The following ATP6V1C2 variants were observed in gnomAD, a reference collection of about 807,000 sequenced individuals.
The protein encoded by ATP6V1C2 is ATPase H+ transporting V1 subunit C2.
ATP6V1C2 carries 45 observed loss-of-function variants against 56.8 expected under a neutral mutation model. The ratio of observed to expected loss-of-function variants is 0.79; its 90% confidence interval spans 0.62 to 1.02. The LOEUF is 1.02. Ranked by LOEUF, ATP6V1C2 falls within the 50% of genes least tolerant of loss-of-function variation. The pLI is 0.00. For synonymous variants in ATP6V1C2, 220 were observed against 201.3 expected (o/e 1.09, Z -0.79); for missense variants, 463 against 519.7 (o/e 0.89, Z 1.06).
chr2:10,721,121 C>T (rs1176535976), upstream of ATP6V1C2, among the ~76,000 whole-genome samples: 1 of 152,178 alleles, frequency 6.6e-6, no homozygotes, highest in Non-Finnish European at 1.5e-5. Flanking sequence ...AAAAGCTTCG[C>T]TGTCTACGCA....
At chr2:10,782,909 A>G (rs1665473267) in intron 13 of ATP6V1C2, among the ~76,000 whole-genome samples, 1 of 145,056 alleles carries the variant, frequency 6.9e-6, no homozygotes, top group Admixed American at 7.1e-5. Context: ...GCTACTTGGG[A>G]GTCTGAGGCA....
chr2:10,753,854 C>T, intron 3 of ATP6V1C2, 127 bp from the exon 4 acceptor site: 5 of 813,624 alleles, frequency 6.1e-6, no homozygotes, highest in Non-Finnish European at 1.0e-5. Context: ...TTTTAACCCT[C>T]TTCATACATC....
intron 3 of ATP6V1C2, 74 bp downstream of exon 3, chr2:10,726,643 T>C: frequency 7.2e-7 from 1 of 1,384,962 alleles, no homozygotes; most frequent in East Asian, 2.3e-5. Flanking sequence ...GTTCTTGCTT[T>C]GGCTGAACCG....
At chr2:10,758,669 T>C (rs573490478) in intron 4 of ATP6V1C2, among the ~76,000 whole-genome samples, 3 of 152,084 alleles carry the variant, frequency 2.0e-5, no homozygotes, top group Non-Finnish European at 4.4e-5. Flanking sequence ...TTTTTTTTTT[T>C]CTTTTTCTTT....
rs188209320 is a variant in ATP6V1C2 at position 10,758,519 on chromosome 2, G to C, written c.283+4453G>C. Among the ~76,000 whole-genome samples the C allele has an allele frequency of 5.9e-4, 90 of 152,226 alleles. 1 individual carries two copies. The East Asian group carries it at 7.7e-3, about 13-fold the overall frequency. On this transcript the variant is annotated intron_variant, in intron 4 of 13. Transcript: ENST00000272238. ...GAGGATTGCCTGGGGCCGGGAGTTC[G>C]AGGCTATAGTGCCCTGTGGTTGTGC...
At chr2:10,774,228 G>A (rs868300563) in intron 8 of ATP6V1C2, among the ~76,000 whole-genome samples, 3 of 152,340 alleles carry the variant, frequency 2.0e-5, no homozygotes, top group East Asian at 1.9e-4. Flanking sequence ...CTGTGAGATC[G>A]TGTCTGGGCC....
intron 4 of ATP6V1C2, among the ~76,000 whole-genome samples, chr2:10,760,586 T>C (rs965653619): frequency 6.6e-6 from 1 of 152,184 alleles, no homozygotes; most frequent in South Asian, 2.1e-4. Context: ...CAGGGAGACA[T>C]AATCTCAGAC....
At chr2:10,769,409 AAG>A (rs1664444272) in intron 6 of ATP6V1C2, among the ~76,000 whole-genome samples, 1 of 152,146 alleles carries the variant, frequency 6.6e-6, no homozygotes, top group African/African-American at 2.4e-5. Context: ...GGAGGTGTGT[AAG>A]AGAAGCCAGG....
chr2:10,756,188 C>G (rs1239766315), intron 4 of ATP6V1C2, among the ~76,000 whole-genome samples: 1 of 152,054 alleles, frequency 6.6e-6, no homozygotes, highest in Non-Finnish European at 1.5e-5. Flanking sequence ...GAAACCCCAT[C>G]TCTACTAAAA....
chr2:10,749,746 G>GT (rs1385899831), intron 3 of ATP6V1C2, among the ~76,000 whole-genome samples: 2 of 151,992 alleles, frequency 1.3e-5, no homozygotes, highest in African/African-American at 2.4e-5. Context: ...GTATTTATTT[G>GT]TTTTTTAACA....
chr2:10,730,147 G>T (rs945180024), intron 3 of ATP6V1C2, among the ~76,000 whole-genome samples: 5 of 152,008 alleles, frequency 3.3e-5, no homozygotes, highest in Non-Finnish European at 7.4e-5. Flanking sequence ...ACAGAATCTT[G>T]CTCTGTTGCC....
At chr2:10,747,062 A>G (rs554702192) in intron 3 of ATP6V1C2, among the ~76,000 whole-genome samples, 1 of 152,338 alleles carries the variant, frequency 6.6e-6, no homozygotes, top group South Asian at 2.1e-4. Flanking sequence ...TGAGGTTGTG[A>G]GTTCCAGACC....
chr2:10,770,942 C>T (rs568255129), intron 6 of ATP6V1C2, among the ~76,000 whole-genome samples: 4 of 152,150 alleles, frequency 2.6e-5, no homozygotes, highest in Admixed American at 1.3e-4. Flanking sequence ...AAGTTGGCTT[C>T]GTGTTGGGGA....
Position 10,774,858 on chromosome 2 carries a change from A to G in ATP6V1C2, c.709A>G (p.Lys237Glu). The change falls in exon 9 of 14, where the codon AAA becomes GAA. Residue 237 changes from lysine to glutamate, a missense_variant. Physicochemically the swap from Lys to Glu is moderately conservative, Grantham distance 56. Coordinates refer to ENST00000272238, the MANE Select transcript of ATP6V1C2 (RefSeq NM_001039362.2). Reference protein sequence around the residue: ...TLFRKVIEDFKTKAKENKFTV... With the variant: ...TLFRKVIEDFETKAKENKFTV... ...GTTTCGAAAAGTGATTGAAGATTTC[A>G]AAACCAAGGCCAAAGAAAACAAGTA... 1 of 1,614,230 alleles carries G rather than the reference A, an allele frequency of 6.2e-7. No individual in the cohort carries two copies. Among genetic ancestry groups the G allele is most frequent in the East Asian group, 2.2e-5 (1 of 44,886 alleles).
intron 3 of ATP6V1C2, among the ~76,000 whole-genome samples, chr2:10,734,929 C>A (rs1398650455): frequency 6.6e-6 from 1 of 151,902 alleles, no homozygotes; most frequent in Admixed American, 6.6e-5. Flanking sequence ...ACGAATAATA[C>A]AAAAAATTAG....
At chr2:10,734,801 C>T (rs1202761270) in intron 3 of ATP6V1C2, among the ~76,000 whole-genome samples, 1 of 152,300 alleles carries the variant, frequency 6.6e-6, no homozygotes, top group South Asian at 2.1e-4. Context: ...CCATTCCACC[C>T]TCCTCCCCGA....
At chr2:10,782,161 A>T (rs1236003490) in intron 12 of ATP6V1C2, 82 bp from the exon 13 acceptor site, 1 of 1,522,830 alleles carries the variant, frequency 6.6e-7, no homozygotes, top group Non-Finnish European at 9.0e-7. Flanking sequence ...TCACCCTCGG[A>T]ATGTACTGTT....
chr2:10,759,133 G>A (rs1663738519), intron 4 of ATP6V1C2, among the ~76,000 whole-genome samples: 1 of 152,204 alleles, frequency 6.6e-6, no homozygotes, highest in Admixed American at 6.5e-5. Flanking sequence ...GGGCACCACT[G>A]CCTGCAGCCG....
intron 4 of ATP6V1C2, among the ~76,000 whole-genome samples, chr2:10,754,562 CTTTTCTTTTCTTTTCTTTTCTTTTT>C (rs1558405036): frequency 1.0e-5 from 1 of 97,792 alleles, no homozygotes; most frequent in African/African-American, 3.1e-5. Context: ...CTTTTCTTTT[CTTTTCTTTTCTTTTCTTTTCTTTTT>C]TTTTGAGATG....
Sources: allele counts gnomAD v4.1 joint callset (sites outside exome capture counted in the v4.1 genomes callset), GRCh38; gene constraint gnomAD v4.1.1; transcripts MANE v1.5; gene names NCBI Gene and HGNC (gene_info 2026-07-23, HGNC 2026-07-21).